DPYD: variants seen among roughly 807,000 people sequenced by gnomAD.
The protein encoded by DPYD is dihydropyrimidine dehydrogenase [NADP(+)].
DPYD carries 109 observed loss-of-function variants against 116.2 expected under a neutral mutation model. The observed-to-expected ratio is 0.94, with a 90% CI of 0.80 to 1.10. The LOEUF is 1.10. Ranked by LOEUF, DPYD falls within the 50% of genes least tolerant of loss-of-function variation. The probability of loss-of-function intolerance (pLI) is 0.00; values close to 1 mark genes in which losing one functional copy is unlikely to be tolerated. For missense variants in DPYD, 1,302 were observed against 1,254.5 expected (o/e 1.04, Z -0.57); for synonymous variants, 440 against 432.0 (o/e 1.02, Z -0.23).
intron 8 of DPYD, among the ~76,000 whole-genome samples, chr1:97,635,167 T>G (rs967786044): frequency 7.2e-5 from 11 of 151,910 alleles, no homozygotes; most frequent in Non-Finnish European, 1.3e-4. Context: ...GCACTGACCA[T>G]AGAGGACACT....
chr1:97,308,395 C>A (rs1372208826), intron 16 of DPYD: 3 of 151,760 alleles, frequency 2.0e-5, no homozygotes, highest in African/African-American at 7.3e-5. Context: ...CTTAGGCAAG[C>A]CAGCTGCTGA....
intron 16 of DPYD, among the ~76,000 whole-genome samples, chr1:97,371,553 G>A (rs1004639244): frequency 3.3e-5 from 5 of 152,148 alleles, no homozygotes; most frequent in African/African-American, 4.8e-5. Context: ...TAGAGGAAAA[G>A]GCAAATAAGC....
intron 14 of DPYD, among the ~76,000 whole-genome samples, chr1:97,385,549 CAAT>C (rs1672295127): frequency 7.0e-6 from 1 of 143,280 alleles, no homozygotes; most frequent in South Asian, 2.5e-4. Flanking sequence ...CAAAATAAAA[CAAT>C]AACAACAACA....
chr1:97,145,761 G>A (rs1452280556), intron 20 of DPYD, among the ~76,000 whole-genome samples: 1 of 105,524 alleles, frequency 9.5e-6, no homozygotes, highest in African/African-American at 3.6e-5. Flanking sequence ...TTTTTTTTTT[G>A]GCATTGTTTG....
intron 3 of DPYD, among the ~76,000 whole-genome samples, chr1:97,756,759 T>C (rs930728499): frequency 6.6e-6 from 1 of 152,226 alleles, no homozygotes; most frequent in Non-Finnish European, 1.5e-5. Flanking sequence ...AAGTTCTATA[T>C]ATAAGATGAC....
At chr1:97,641,132 G>C (rs1166964506) in intron 8 of DPYD, among the ~76,000 whole-genome samples, 2 of 152,142 alleles carry the variant, frequency 1.3e-5, no homozygotes, top group Admixed American at 1.3e-4. Flanking sequence ...TTGCATGGGG[G>C]AACATACCAA....
At chr1:97,384,458 A>G (rs1672195391) in intron 14 of DPYD, among the ~76,000 whole-genome samples, 2 of 152,066 alleles carry the variant, frequency 1.3e-5, no homozygotes, top group African/African-American at 2.4e-5. Flanking sequence ...AGTAACTAGC[A>G]TGGTATTTGG....
chr1:97,776,518 C>T (rs563655458), intron 3 of DPYD, among the ~76,000 whole-genome samples: 80 of 152,080 alleles, frequency 5.3e-4, no homozygotes, highest in Non-Finnish European at 1.1e-3. Flanking sequence ...TTGAGGTGAT[C>T]CTCTTAAAAA....
chr1:97,749,145 A>G (rs902075543), intron 3 of DPYD, among the ~76,000 whole-genome samples: 22 of 152,184 alleles, frequency 1.4e-4, no homozygotes, highest in Non-Finnish European at 4.4e-5. Flanking sequence ...TGGCAACAAA[A>G]TATTTCTCAT....
intron 2 of DPYD, among the ~76,000 whole-genome samples, chr1:97,841,839 T>C (rs149186959): frequency 0.024 from 3,674 of 152,114 alleles, 100 homozygotes; most frequent in South Asian, 0.045. Context: ...ATTATTAATT[T>C]TATTAAAATA....
At chr1:97,866,532 T>C (rs1001987463) in intron 2 of DPYD, among the ~76,000 whole-genome samples, 18 of 151,938 alleles carry the variant, frequency 1.2e-4, no homozygotes, top group African/African-American at 4.1e-4. Flanking sequence ...CCAGGTATTG[T>C]TGTAGACCCT....
At chr1:97,588,100 T>C (rs1052780055) in intron 10 of DPYD, among the ~76,000 whole-genome samples, 15 of 152,152 alleles carry the variant, frequency 9.9e-5, no homozygotes, top group Admixed American at 2.6e-4. Context: ...AATCCGGTAT[T>C]GTTATTTTTC....
intron 8 of DPYD, among the ~76,000 whole-genome samples, 195 bp downstream of exon 8, chr1:97,678,900 C>T (rs981607164): frequency 6.6e-6 from 1 of 152,004 alleles, no homozygotes; most frequent in Non-Finnish European, 1.5e-5. Context: ...CGAAATCTCT[C>T]CATAATTAAG....
In DPYD at chr1:97,679,108, A is replaced by G; in HGVS notation, c.837T>C (p.Ala279=). The G allele has an allele frequency of 6.4e-7, 1 of 1,566,392 alleles. No homozygotes were observed. Residue 279 remains alanine, a synonymous_variant, in exon 8 of 23, where the codon GCT becomes GCC. Transcript: ENST00000370192. The part of the protein sequence containing the change: ...STLKEKGYKA[A]FIGIGLPEPN... ...TAAACTACTCACCTATTCCAATGAA[A>G]GCAGCTTTGTAGCCTTTTTCTTTCA... is the stretch of plus-strand genomic sequence containing the variant.
intron 20 of DPYD, among the ~76,000 whole-genome samples, chr1:97,139,869 A>G (rs1654082992): frequency 6.6e-6 from 1 of 152,150 alleles, no homozygotes; most frequent in Non-Finnish European, 1.5e-5. Context: ...AAGACACTGG[A>G]GAAAAGATTA....
chr1:97,753,830 T>C (rs996595849), intron 3 of DPYD, among the ~76,000 whole-genome samples: 30 of 152,064 alleles, frequency 2.0e-4, no homozygotes, highest in African/African-American at 6.5e-4. Flanking sequence ...AATAAAAATA[T>C]ATAATGGATA....
intron 14 of DPYD, among the ~76,000 whole-genome samples, chr1:97,430,228 T>C (rs922361939): frequency 6.6e-6 from 1 of 152,138 alleles, no homozygotes. Context: ...AGGAGATGTG[T>C]AGTAGTTCCT....
chr1:97,301,178 A>G (rs1666838793), intron 18 of DPYD, among the ~76,000 whole-genome samples: 1 of 152,186 alleles, frequency 6.6e-6, no homozygotes, highest in South Asian at 2.1e-4. Context: ...AATAACCTCT[A>G]TGAGAGGAGT....
chr1:97,690,795 A>G (rs768310919), intron 7 of DPYD, among the ~76,000 whole-genome samples: 3 of 152,088 alleles, frequency 2.0e-5, no homozygotes, highest in Non-Finnish European at 4.4e-5. Context: ...TTTTATTCCC[A>G]GACATCTTGT....
Sources: allele counts gnomAD v4.1 joint callset (sites outside exome capture counted in the v4.1 genomes callset), GRCh38; gene constraint gnomAD v4.1.1; transcripts MANE v1.5; gene names NCBI Gene and HGNC (gene_info 2026-07-23, HGNC 2026-07-21).